Variants in GAREM1 observed in about 807,000 individuals in gnomAD.
GAREM1 encodes the protein GRB2 associated regulator of MAPK1 subtype 1.
A neutral mutation model predicts 71.3 loss-of-function variants in GAREM1; 26 were observed. That is an observed-to-expected ratio of 0.36 (90% CI 0.27 to 0.51). The LOEUF (loss-of-function observed/expected upper bound fraction) is 0.51. Ranked by LOEUF, GAREM1 falls within the 20% of genes least tolerant of loss-of-function variation. GAREM1 has a pLI of 0.95. For synonymous variants in GAREM1, 440 were observed against 433.2 expected (o/e 1.02, Z -0.20); for missense variants, 1,026 against 1,103.1 (o/e 0.93, Z 0.99).
At chr18:32,271,099 GT>G (rs1252054984) in intron 4 of GAREM1, among the ~76,000 whole-genome samples, 7 of 151,814 alleles carry the variant, frequency 4.6e-5, no homozygotes, top group Admixed American at 2.6e-4. Flanking sequence ...TAGAGATGAA[GT>G]TTCACCATGT....
rs192646764 is a variant in GAREM1 at position 32,411,340 on chromosome 18, A to G, written c.122-18305T>C. Among the ~76,000 whole-genome samples, 467 of 152,286 alleles carry G rather than the reference A, an allele frequency of 3.1e-3. 4 individuals are homozygous for G. The highest frequency in any genetic ancestry group is 0.011 in the African/African-American group (445 of 41,560). ...CTGAGCCACAAGTCAAACGTTAGGG[A>G]TTTTCAGTGTCAGTTTCAAATCTGA... On this transcript the variant is annotated intron_variant, in intron 1 of 5. Coordinates refer to ENST00000269209, the MANE Select transcript of GAREM1 (RefSeq NM_001242409.2).
At chr18:32,354,996 C>T (rs1051237114) in intron 2 of GAREM1, among the ~76,000 whole-genome samples, 3 of 152,124 alleles carry the variant, frequency 2.0e-5, no homozygotes, top group African/African-American at 7.2e-5. Context: ...AGATTAACAG[C>T]TGTGTACCTA....
chr18:32,267,205 C>CT lies in GAREM1; in HGVS notation c.*665dup, dbSNP rs911327902. The CT allele has an allele frequency of 1.3e-5, 2 of 152,080 alleles. No individual in the cohort carries two copies. The highest frequency in any genetic ancestry group is 2.9e-5 in the Non-Finnish European group (2 of 68,012). The allele number at this position is 152,080 out of a possible 1,614,324, so 9.4% of individuals were successfully genotyped here. A position where few individuals can be genotyped will look rare whatever the true frequency, so the allele number is the denominator to read the frequency against. On this transcript the variant is annotated 3_prime_UTR_variant, in exon 6 of 6. Transcript: ENST00000269209. ...CTATACATGTTTATATATGTATATT[C>CT]TTTTTTCTCTGCTCAATAAAATTAG... is the stretch of plus-strand genomic sequence containing the variant.
intron 2 of GAREM1, among the ~76,000 whole-genome samples, chr18:32,378,499 GAAAA>G (rs201544063): frequency 0.05 from 4,890 of 98,022 alleles, 130 homozygotes; most frequent in East Asian, 0.15. Context: ...GACTGTCTCC[GAAAA>G]AAAAAAAAAA....
chr18:32,332,393 G>T (rs967328064), intron 2 of GAREM1, among the ~76,000 whole-genome samples: 1 of 151,940 alleles, frequency 6.6e-6, no homozygotes, highest in Non-Finnish European at 1.5e-5. Flanking sequence ...GCTCACATGG[G>T]GGGGTTGGAG....
chr18:32,422,456 C>T (rs2048528520), intron 1 of GAREM1, among the ~76,000 whole-genome samples: 1 of 152,050 alleles, frequency 6.6e-6, no homozygotes, highest in Non-Finnish European at 1.5e-5. Context: ...GTAGGTCTGC[C>T]TTCCACACTA....
intron 1 of GAREM1, among the ~76,000 whole-genome samples, chr18:32,423,257 G>C (rs1568005828): frequency 1.3e-5 from 2 of 152,192 alleles, no homozygotes; most frequent in Non-Finnish European, 2.9e-5. Flanking sequence ...AAACTGTTAT[G>C]AGGATTAAAT....
intron 2 of GAREM1, among the ~76,000 whole-genome samples, chr18:32,331,370 T>G (rs1226540344): frequency 2.6e-5 from 4 of 152,348 alleles, no homozygotes; most frequent in South Asian, 2.1e-4. Context: ...TAAAAACTAC[T>G]AAAATAGCTT....
At chr18:32,299,126 T>C (rs2047172310) in intron 3 of GAREM1, among the ~76,000 whole-genome samples, 1 of 152,152 alleles carries the variant, frequency 6.6e-6, no homozygotes, top group South Asian at 2.1e-4. Flanking sequence ...CTCACAATTG[T>C]ATCCAATTTA....
chr18:32,433,807 A>G (rs2048648222), intron 1 of GAREM1, among the ~76,000 whole-genome samples: 1 of 152,166 alleles, frequency 6.6e-6, no homozygotes, highest in Non-Finnish European at 1.5e-5. Context: ...GATGTAAAGA[A>G]ATGAAGAAAT....
At chr18:32,376,260 A>C (rs925645080) in intron 2 of GAREM1, among the ~76,000 whole-genome samples, 9 of 152,220 alleles carry the variant, frequency 5.9e-5, no homozygotes, top group African/African-American at 1.9e-4. Flanking sequence ...AATTGTCTCC[A>C]CTTAGATCAG....
chr18:32,465,820 G>A (rs897715585), intron 1 of GAREM1, among the ~76,000 whole-genome samples: 2 of 152,154 alleles, frequency 1.3e-5, no homozygotes, highest in Non-Finnish European at 1.5e-5. Flanking sequence ...CGCTTGCGTT[G>A]GACATCCATC....
chr18:32,401,604 T>G (rs894460092), intron 1 of GAREM1, among the ~76,000 whole-genome samples: 2 of 152,100 alleles, frequency 1.3e-5, no homozygotes, highest in African/African-American at 2.4e-5. Context: ...CTGAAGGGTT[T>G]TGGATGAGAA....
At chr18:32,403,732 T>A (rs1470423682) in intron 1 of GAREM1, among the ~76,000 whole-genome samples, 1 of 152,176 alleles carries the variant, frequency 6.6e-6, no homozygotes. Context: ...TGAGCCACTG[T>A]GCCCAGCCCT....
Position 32,457,226 on chromosome 18 carries a change from AGTGTGT to A in GAREM1, c.121+13076_121+13081del, listed in dbSNP as rs566379367. On this transcript the variant is annotated intron_variant, in intron 1 of 5. Coordinates refer to ENST00000269209, the MANE Select transcript of GAREM1 (RefSeq NM_001242409.2). ...GGGGGGGAGAGAGAGAGAGAGAGAG[AGTGTGT>A]GTGTGTGTGTGTGTGTGTGTGTGTG... 1.0e-3 allele frequency among the ~76,000 whole-genome samples: 85 copies of A among 81,980 alleles called. 1 individual carries two copies. The East Asian group carries it at 0.018, about 17-fold the overall frequency. 53.8% of individuals were successfully genotyped at this position (81,980 alleles called of 152,430 possible).
intron 2 of GAREM1, among the ~76,000 whole-genome samples, chr18:32,364,382 T>C (rs1233670727): frequency 6.6e-6 from 1 of 151,874 alleles, no homozygotes; most frequent in Non-Finnish European, 1.5e-5. Context: ...TACCCCTGTC[T>C]TCACCGCTCC....
chr18:32,470,351 C>T lies in GAREM1; in HGVS notation c.78G>A (p.Leu26=). Residue 26 remains leucine, a synonymous_variant, in exon 1 of 6, where the codon CTG becomes CTA. Coordinates refer to ENST00000269209, the MANE Select transcript of GAREM1 (RefSeq NM_001242409.2). The surrounding 1 kb of genome is among the most constrained non-coding windows in gnomAD (Gnocchi z 4.4). The part of the protein sequence containing the change: ...WSSVAVPLDL[L]VSTYRLPQIA... ...TCTGGGGCAGCCGGTAAGTGCTGAC[C>T]AGGAGGTCGAGCGGCACGGCCACCG... The T allele has an allele frequency of 1.3e-6, 2 of 1,560,400 alleles. No homozygotes were observed. Among genetic ancestry groups the T allele is most frequent in the Non-Finnish European group, 8.7e-7 (1 of 1,154,638 alleles).
At chr18:32,353,095 T>C (rs2047768026) in intron 2 of GAREM1, among the ~76,000 whole-genome samples, 1 of 152,238 alleles carries the variant, frequency 6.6e-6, no homozygotes, top group Non-Finnish European at 1.5e-5. Flanking sequence ...GTAAGTTATG[T>C]GATTTTCTAT....
intron 4 of GAREM1, among the ~76,000 whole-genome samples, chr18:32,283,297 C>T (rs1191766981): frequency 2.0e-5 from 3 of 152,214 alleles, no homozygotes. Flanking sequence ...GTAACCCCAG[C>T]ACTTTGGGAG....
Sources: allele counts gnomAD v4.1 joint callset (sites outside exome capture counted in the v4.1 genomes callset), GRCh38; gene constraint gnomAD v4.1.1; non-coding constraint Gnocchi (gnomAD v3.1); transcripts MANE v1.5; gene names NCBI Gene and HGNC (gene_info 2026-07-23, HGNC 2026-07-21).